The following FAM9B variants were observed in gnomAD, a reference collection of about 807,000 sequenced individuals.
The protein encoded by FAM9B is family with sequence similarity 9 member B, also known as protein FAM9B.
A neutral mutation model predicts 16.6 loss-of-function variants in FAM9B; 18 were observed. The observed-to-expected ratio is 1.09, with a 90% CI of 0.75 to 1.61. FAM9B has a LOEUF of 1.61. Ranked by LOEUF, FAM9B falls within the 40% of genes most tolerant of loss-of-function variation. The probability of loss-of-function intolerance (pLI) is 0.00; values close to 1 mark genes in which losing one functional copy is unlikely to be tolerated. For synonymous variants in FAM9B, 43 were observed against 42.6 expected, an observed-to-expected ratio of 1.01 and a Z score of -0.03; for missense variants, 155 against 136.0, an observed-to-expected ratio of 1.14 and a Z score of -0.70.
intron 1 of FAM9B, 84 bp from the exon 2 acceptor site, chrX:9,033,159 G>C: frequency 2.6e-6 from 3 of 1,164,274 alleles, no homozygotes; most frequent in Non-Finnish European, 3.4e-6. Context: ...GTTCAAGAAG[G>C]GTGGGGCTGG....
rs766698900 is a variant in FAM9B at position 9,025,731 on chromosome X, A to C, written c.493-148T>G. 6 of 420,232 alleles carry C rather than the reference A, an allele frequency of 1.4e-5. No individual in the cohort carries two copies. In the African/African-American group the frequency reaches 1.5e-4, roughly 11 times the overall value. The allele number at this position is 420,232 out of a possible 1,213,427, so 34.6% of individuals were successfully genotyped here. A position where few individuals can be genotyped will look rare whatever the true frequency, so the allele number is the denominator to read the frequency against. ...AAATAGAAAAAACTATAATCAATAC[A>C]TGGAGCTCCAAATACCCAATTAAAT... On this transcript the variant is annotated intron_variant, in intron 7 of 8. Coordinates refer to ENST00000327220, the MANE Select transcript of FAM9B (RefSeq NM_205849.3).
chrX:9,028,109 TA>T, intron 6 of FAM9B, 143 bp from the exon 7 acceptor site: 1 of 439,442 alleles, frequency 2.3e-6, no homozygotes, highest in Non-Finnish European at 3.9e-6. Context: ...GGACCAATTT[TA>T]AACAATTGTG....
At position 9,025,512 on chromosome X, in the gene FAM9B, T is replaced by C. The variant is rs1266735096; in HGVS notation, c.*3A>G. ...TCTGACATGATTTTATTTAAAAACATGTCTAGTTATCAAGTTCACTGTCTT... is the reference window on the plus strand; with the variant it reads ...TCTGACATGATTTTATTTAAAAACACGTCTAGTTATCAAGTTCACTGTCTT... On this transcript the variant is annotated 3_prime_UTR_variant, in exon 8 of 9. Coordinates refer to ENST00000327220, the MANE Select transcript of FAM9B (RefSeq NM_205849.3). 9 of 1,195,911 alleles carry C rather than the reference T, an allele frequency of 7.5e-6. No individual in the cohort carries two copies. The highest frequency in any genetic ancestry group is 3.0e-5 in the East Asian group (1 of 33,684).
At position 9,033,022 on chromosome X, in the gene FAM9B, T is replaced by A. The variant is rs765224028; in HGVS notation, c.-36A>T. 6.6e-6 allele frequency: 8 copies of A among 1,210,350 alleles called. No homozygotes were observed. The highest frequency in any genetic ancestry group is 8.9e-6 in the Non-Finnish European group (8 of 895,273). ...TCCAACTGGGCCTTGGCAGCCCTCC[T>A]GCCCACAGGATCCGTGGCTGGTTGT... On this transcript the variant is annotated 5_prime_UTR_variant, in exon 2 of 9. Transcript: ENST00000327220.
chrX:9,033,785 G>C, intron 1 of FAM9B, 67 bp downstream of exon 1: 1 of 747,175 alleles, frequency 1.3e-6, no homozygotes, highest in Non-Finnish European at 1.6e-6. Context: ...GCTGCCCAGC[G>C]CTTCACACCC....
In FAM9B at chrX:9,033,589, C is replaced by T. The variant is rs1287633646; in HGVS notation, c.-90+263G>A. ...CCGCCTCACTCCCACTTCTCCCCCC[C>T]TCGGCCCCTCCCCCCAACACATGCA... is the stretch of plus-strand genomic sequence containing the variant. On this transcript the variant is annotated intron_variant, in intron 1 of 8. Transcript: ENST00000327220. Among the ~76,000 whole-genome samples the T allele has an allele frequency of 3.2e-5, 3 of 94,730 alleles. No individual in the cohort carries two copies. In the East Asian group the frequency reaches 1.0e-3, roughly 33 times the overall value. The allele number at this position is 94,730 out of a possible 115,157, so 82.3% of individuals were successfully genotyped here.
rs747638327 is a variant in FAM9B, at chrX:9,032,948, G to T, written c.28+11C>A. 1 of 1,211,088 alleles carries T rather than the reference G, an allele frequency of 8.3e-7. No individual in the cohort carries two copies. The highest frequency in any genetic ancestry group is 1.8e-5 in the South Asian group (1 of 56,924). On this transcript the variant is annotated intron_variant, in intron 2 of 8. Transcript: ENST00000327220. ...TGCACCTTCTTCTGGGTCCCCTTGG[G>T]CTGTATTTACCTGCATGCTTCTTCC...
chrX:9,029,420 T>G lies in FAM9B; in HGVS notation c.282-2A>C. 1 of 1,150,746 alleles carries G rather than the reference T, an allele frequency of 8.7e-7. No homozygotes were observed. Among genetic ancestry groups the G allele is most frequent in the South Asian group, 1.8e-5 (1 of 55,069 alleles). 94.8% of individuals were successfully genotyped at this position (1,150,746 alleles called of 1,213,427 possible). A position where few individuals can be genotyped will look rare whatever the true frequency, so the allele number is the denominator to read the frequency against. On this transcript the variant is annotated splice_acceptor_variant, in intron 5 of 8. Coordinates refer to ENST00000327220, the MANE Select transcript of FAM9B (RefSeq NM_205849.3). LOFTEE classifies it high-confidence loss of function. ...GAATGTATATAATCACGTTTCTGCC[T>G]GTAACACATAATAAGTAACACGGTC... is the stretch of plus-strand genomic sequence containing the variant.
chrX:9,026,794 C>T (rs1249142998), intron 7 of FAM9B, among the ~76,000 whole-genome samples: 2 of 111,326 alleles, frequency 1.8e-5, no homozygotes, highest in Admixed American at 9.6e-5. Context: ...GACAGGAAAA[C>T]TACTAGTCTC....
In FAM9B at chrX:9,024,249, G is replaced by T. The variant is rs1420476645; in HGVS notation, c.*1160C>A. ...GGCGAATTCATCATTCAAGTTTTTAGATGTCCATATAAACTTCCACATAAT... is the reference window on the plus strand; with the variant it reads ...GGCGAATTCATCATTCAAGTTTTTATATGTCCATATAAACTTCCACATAAT... On this transcript the variant is annotated 3_prime_UTR_variant, in exon 9 of 9. Transcript: ENST00000327220. The T allele has an allele frequency of 9.0e-6, 1 of 111,110 alleles. No homozygotes were observed. The highest frequency in any genetic ancestry group is 1.9e-5 in the Non-Finnish European group (1 of 53,039). 9.2% of individuals were successfully genotyped at this position (111,110 alleles called of 1,213,427 possible). A position where few individuals can be genotyped will look rare whatever the true frequency, so the allele number is the denominator to read the frequency against.
intron 5 of FAM9B, 136 bp from the exon 6 acceptor site, chrX:9,029,554 G>T: frequency 2.5e-6 from 1 of 407,478 alleles, no homozygotes; most frequent in Non-Finnish European, 4.2e-6. Context: ...TCTTCTTTTT[G>T]GAAAAAAGTG....
chrX:9,032,404 T>G lies in FAM9B; in HGVS notation c.86A>C (p.Glu29Ala). 1.7e-6 allele frequency: 2 copies of G among 1,211,824 alleles called. No individual in the cohort carries two copies. Among genetic ancestry groups the G allele is most frequent in the Non-Finnish European group, 2.2e-6 (2 of 895,559 alleles). Residue 29 changes from glutamate to alanine, a missense_variant, in exon 3 of 9, where the codon GAG becomes GCG. Physicochemically the swap from Glu to Ala is moderately radical, Grantham distance 107. Coordinates refer to ENST00000327220, the MANE Select transcript of FAM9B (RefSeq NM_205849.3). ...CCCATGCTCATCAGTTACATCTTCC[T>G]CCCTTGTTTCTGTAAAACGGTTTCT... Reference protein sequence around the residue: ...EERNRFTETREEDVTDEHGER... With the variant: ...EERNRFTETRAEDVTDEHGER...
At chrX:9,030,583 A>G in intron 4 of FAM9B, 1 of 277,692 alleles carries the variant, frequency 3.6e-6, no homozygotes, top group South Asian at 1.5e-4. Flanking sequence ...TCCAGTTGGT[A>G]TAACTGAAAA....
chrX:9,025,668 C>G, intron 7 of FAM9B, 85 bp from the exon 8 acceptor site: 1 of 725,981 alleles, frequency 1.4e-6, no homozygotes, highest in East Asian at 3.3e-5. Context: ...CAAAAGGAAA[C>G]AGCTTTTAAT....
At chrX:9,029,962 T>C (rs1319944059) in intron 5 of FAM9B, among the ~76,000 whole-genome samples, 1 of 112,132 alleles carries the variant, frequency 8.9e-6, no homozygotes, top group Non-Finnish European at 1.9e-5. Flanking sequence ...TTGAGAACAT[T>C]TATCTTATAT....
At position 9,024,290 on chromosome X, in the gene FAM9B, T is replaced by C. The variant is rs1473706240; in HGVS notation, c.*1119A>G. On this transcript the variant is annotated 3_prime_UTR_variant, in exon 9 of 9. Coordinates refer to ENST00000327220, the MANE Select transcript of FAM9B (RefSeq NM_205849.3). ...TCCACATAATCCACGAATATTAAAC[T>C]GGATAAACAAAGCACTCTACAAAAT... is the stretch of plus-strand genomic sequence containing the variant. 1.8e-5 allele frequency: 2 copies of C among 111,644 alleles called. No individual in the cohort carries two copies. Among genetic ancestry groups the C allele is most frequent in the Non-Finnish European group, 3.8e-5 (2 of 53,160 alleles). 9.2% of individuals were successfully genotyped at this position (111,644 alleles called of 1,213,427 possible).
chrX:9,033,251 C>A, intron 1 of FAM9B, 176 bp from the exon 2 acceptor site: 2 of 1,091,547 alleles, frequency 1.8e-6, no homozygotes, highest in Non-Finnish European at 2.4e-6. Context: ...TCCAGCCCGT[C>A]CCCGGGGCTG....
At chrX:9,032,638 CT>C in intron 2 of FAM9B, 177 bp from the exon 3 acceptor site, 1 of 748,545 alleles carries the variant, frequency 1.3e-6, no homozygotes, top group Non-Finnish European at 1.9e-6. Flanking sequence ...TATCGAGGGA[CT>C]TTTGGAAGCC....
chrX:9,025,309 TTC>T lies in FAM9B; in HGVS notation c.*98_*99del, dbSNP rs1920958330. 1 of 344,788 alleles carries T rather than the reference TTC, an allele frequency of 2.9e-6. No individual in the cohort carries two copies. The allele number at this position is 344,788 out of a possible 1,213,427, so 28.4% of individuals were successfully genotyped here. ...TTGTATCATATAACATAGGTTCAAGTTCTTTCTTCAGTCATCAGAATAACAGA... is the reference window on the plus strand; with the variant it reads ...TTGTATCATATAACATAGGTTCAAGTTTTCTTCAGTCATCAGAATAACAGA... On this transcript the variant is annotated 3_prime_UTR_variant, in exon 9 of 9. Transcript: ENST00000327220.
Sources: gnomAD v4.1 joint callset for allele counts (sites outside exome capture counted in the v4.1 genomes callset) on GRCh38, gnomAD v4.1.1 for gene constraint, MANE v1.5 for transcripts, NCBI Gene and HGNC (gene_info 2026-07-23, HGNC 2026-07-21) for gene names.